The following CBFA2T2 variants were observed in gnomAD, a reference collection of about 807,000 sequenced individuals.
The protein encoded by CBFA2T2 is CBFA2/RUNX1 partner transcriptional co-repressor 2.
A neutral mutation model predicts 62.2 loss-of-function variants in CBFA2T2; 11 were observed. The observed-to-expected ratio is 0.18, with a 90% CI of 0.11 to 0.29. The LOEUF (loss-of-function observed/expected upper bound fraction) is 0.29. Ranked by LOEUF, CBFA2T2 falls within the 10% of genes least tolerant of loss-of-function variation. The pLI is 1.00. For synonymous variants in CBFA2T2, 295 were observed against 287.5 expected, an observed-to-expected ratio of 1.03 and a Z score of -0.27; for missense variants, 592 against 774.1, an observed-to-expected ratio of 0.76 and a Z score of 2.79.
intron 1 of CBFA2T2, among the ~76,000 whole-genome samples, chr20:33,559,752 C>T (rs534188405): frequency 2.0e-4 from 31 of 152,272 alleles, no homozygotes; most frequent in South Asian, 1.7e-3. Flanking sequence ...TCCTAAAGTG[C>T]TGGGATTACA....
chr20:33,512,616 G>T (rs922652727), intron 1 of CBFA2T2, among the ~76,000 whole-genome samples: 1 of 152,050 alleles, frequency 6.6e-6, no homozygotes, highest in Admixed American at 6.6e-5. Context: ...TCTGTCTAGG[G>T]TTTTGCCACA....
At chr20:33,580,416 A>G (rs2014058693) in intron 1 of CBFA2T2, among the ~76,000 whole-genome samples, 1 of 152,194 alleles carries the variant, frequency 6.6e-6, no homozygotes, top group Admixed American at 6.5e-5. Context: ...ACGTGGCCCC[A>G]ACTCTCCAGA....
chr20:33,537,002 G>C (rs1398324129), intron 1 of CBFA2T2, among the ~76,000 whole-genome samples: 1 of 151,968 alleles, frequency 6.6e-6, no homozygotes, highest in Non-Finnish European at 1.5e-5. Context: ...TCACTTTCCA[G>C]ACTGGGCAGC....
At chr20:33,569,696 G>T (rs918166456) in intron 1 of CBFA2T2, among the ~76,000 whole-genome samples, 2 of 152,166 alleles carry the variant, frequency 1.3e-5, no homozygotes, top group African/African-American at 4.8e-5. Flanking sequence ...GAGTTTAGCA[G>T]TGTAACCCAG....
rs1008981623 is a variant in CBFA2T2, at chr20:33,649,930, T to C, written c.*5284T>C. The C allele has an allele frequency of 2.6e-5, 4 of 152,714 alleles. No individual in the cohort carries two copies. The highest frequency in any genetic ancestry group is 5.9e-5 in the Non-Finnish European group (4 of 68,056). 9.5% of individuals were successfully genotyped at this position (152,714 alleles called of 1,614,324 possible). On this transcript the variant is annotated 3_prime_UTR_variant, in exon 11 of 11. Transcript: ENST00000342704. ...GATAGGAATTTTTGTTACCTAACTC[T>C]GTGCATAACTTATTTAATGTACTGT...
intron 1 of CBFA2T2, among the ~76,000 whole-genome samples, chr20:33,555,270 TAA>T (rs764259452): frequency 7.0e-6 from 1 of 141,850 alleles, no homozygotes; most frequent in East Asian, 2.0e-4. Flanking sequence ...CTGCCCAATT[TAA>T]AAAAAAAAAA....
At chr20:33,549,115 CATG>C (rs1344746010) in intron 1 of CBFA2T2, among the ~76,000 whole-genome samples, 1 of 152,108 alleles carries the variant, frequency 6.6e-6, no homozygotes, top group Non-Finnish European at 1.5e-5. Flanking sequence ...AAAATCTAAA[CATG>C]ATATTAATAT....
intron 1 of CBFA2T2, among the ~76,000 whole-genome samples, chr20:33,555,920 C>T (rs375357108): frequency 6.6e-6 from 1 of 152,176 alleles, no homozygotes; most frequent in African/African-American, 2.4e-5. Flanking sequence ...GGCTAGGGTG[C>T]AGTGGTGCAA....
At chr20:33,534,602 T>C (rs1367102847) in intron 1 of CBFA2T2, among the ~76,000 whole-genome samples, 1 of 152,124 alleles carries the variant, frequency 6.6e-6, no homozygotes, top group Non-Finnish European at 1.5e-5. Flanking sequence ...CATGATCCAT[T>C]GCCCCCAGCC....
chr20:33,573,959 T>A (rs2013696078), intron 1 of CBFA2T2: 2 of 407,194 alleles, frequency 4.9e-6, no homozygotes, highest in African/African-American at 2.1e-5. Flanking sequence ...TTTTCTTATT[T>A]TTTTTTTTTT....
chr20:33,608,143 A>G (rs1316622284), intron 2 of CBFA2T2, among the ~76,000 whole-genome samples: 1 of 152,240 alleles, frequency 6.6e-6, no homozygotes, highest in Non-Finnish European at 1.5e-5. Context: ...TATATCTATA[A>G]TCACCAAAAG....
At chr20:33,529,406 C>G (rs1230362521) in intron 1 of CBFA2T2, among the ~76,000 whole-genome samples, 2 of 152,092 alleles carry the variant, frequency 1.3e-5, no homozygotes, top group Non-Finnish European at 2.9e-5. Flanking sequence ...TCTTTCAACT[C>G]TGGTTTAACT....
chr20:33,494,243 GTATATATATA>G (rs869164142), intron 1 of CBFA2T2, among the ~76,000 whole-genome samples: 8 of 30,308 alleles, frequency 2.6e-4, no homozygotes, highest in Admixed American at 1.5e-3. Flanking sequence ...ATATATATGT[GTATATATATA>G]TATATATATA....
Position 33,619,622 on chromosome 20 carries a change from CT to C in CBFA2T2, c.510+17del. ...ATTTCTCAAGGTAATTTGATAATTA[CT>C]GAATATAATTTATCTTGAATATTTC... On this transcript the variant is annotated intron_variant, in intron 4 of 10. Transcript: ENST00000342704. 6.7e-7 allele frequency: 1 copy of C among 1,499,804 alleles called. No homozygotes were observed. Among genetic ancestry groups the C allele is most frequent in the Non-Finnish European group, 9.2e-7 (1 of 1,087,924 alleles). 92.9% of individuals were successfully genotyped at this position (1,499,804 alleles called of 1,614,324 possible).
rs1193214790 is a variant in CBFA2T2, at chr20:33,623,124, C to T, written c.520C>T (p.Pro174Ser). 1 of 1,614,202 alleles carries T rather than the reference C, an allele frequency of 6.2e-7. No homozygotes were observed. Among genetic ancestry groups the T allele is most frequent in the Admixed American group, 1.7e-5 (1 of 60,032 alleles). Residue 174 changes from proline to serine, a missense_variant, in exon 5 of 11, where the codon CCC becomes TCC. Coordinates refer to ENST00000342704, the MANE Select transcript of CBFA2T2 (RefSeq NM_001032999.3). ...FVIPFLKANL[P>S]LLQRELLHCA... Reference sequence around the variant, plus strand: ...GCCTCTTCCTTTCAAGGCCAACCTGCCCCTGCTGCAGCGGGAACTGCTGCA... The same window carrying T: ...GCCTCTTCCTTTCAAGGCCAACCTGTCCCTGCTGCAGCGGGAACTGCTGCA...
chr20:33,623,675 A>G (rs955634124), intron 5 of CBFA2T2: 4 of 642,478 alleles, frequency 6.2e-6, no homozygotes, highest in Non-Finnish European at 1.1e-5. Context: ...GCCCGCCTCA[A>G]CCTCCCAAAG....
chr20:33,603,306 T>C (rs2015210637), intron 1 of CBFA2T2, among the ~76,000 whole-genome samples: 1 of 152,232 alleles, frequency 6.6e-6, no homozygotes, highest in African/African-American at 2.4e-5. Flanking sequence ...ATCTGTTTTC[T>C]GTTTTCAGGA....
At chr20:33,612,686 AT>A (rs1437283211) in intron 3 of CBFA2T2, among the ~76,000 whole-genome samples, 2 of 152,238 alleles carry the variant, frequency 1.3e-5, no homozygotes, top group Non-Finnish European at 2.9e-5. Context: ...GTTATTTTTT[AT>A]TTTAATTAAA....
chr20:33,519,177 A>G (rs2011662340), intron 1 of CBFA2T2, among the ~76,000 whole-genome samples: 1 of 152,228 alleles, frequency 6.6e-6, no homozygotes, highest in Non-Finnish European at 1.5e-5. Flanking sequence ...GAAAAAAAAT[A>G]TACAGATTGT....
Sources: allele counts gnomAD v4.1 joint callset (sites outside exome capture counted in the v4.1 genomes callset), GRCh38; gene constraint gnomAD v4.1.1; transcripts MANE v1.5; gene names NCBI Gene and HGNC (gene_info 2026-07-23, HGNC 2026-07-21).